ARL16: variants seen among roughly 807,000 people sequenced by gnomAD.
The protein encoded by ARL16 is ADP-ribosylation factor-like protein 16.
ARL16 carries 21 observed loss-of-function variants against 14.1 expected under a neutral mutation model. The ratio of observed to expected loss-of-function variants is 1.48; its 90% CI spans 1.05 to 2.14. The LOEUF is 2.14. Among genes scored for constraint, ARL16 ranks in the 30% most tolerant of loss-of-function variants. ARL16 has a pLI of 0.00. For missense variants in ARL16, 248 were observed against 222.0 expected, an observed-to-expected ratio of 1.12 and a Z score of -0.74; for synonymous variants, 122 against 91.8, an observed-to-expected ratio of 1.33 and a Z score of -1.88.
chr17:81,681,929 C>T (rs757824549), intron 4 of ARL16, 50 bp from the exon 5 acceptor site: 9 of 1,578,226 alleles, frequency 5.7e-6, no homozygotes, highest in Admixed American at 5.4e-5. Flanking sequence ...ACACACCTGC[C>T]CCGGACCCCC....
chr17:81,682,021 C>G lies in ARL16; in HGVS notation c.350+13G>C. ...GCCCCCGCTGTGCTCCCTCTCAGCT[C>G]AGGGACGCGTACATTTTATTGAAGA... On this transcript the variant is annotated intron_variant, in intron 4 of 4. Transcript: ENST00000622299. 1 of 1,598,850 alleles carries G rather than the reference C, an allele frequency of 6.3e-7. No homozygotes were observed. Among genetic ancestry groups the G allele is most frequent in the Non-Finnish European group, 8.5e-7 (1 of 1,171,386 alleles).
At chr17:81,683,258 G>T in intron 2 of ARL16, 132 bp from the exon 3 acceptor site, 3 of 939,352 alleles carry the variant, frequency 3.2e-6, no homozygotes, top group Non-Finnish European at 4.8e-6. Context: ...CGCAGGAACG[G>T]CGAGCAGGGA....
chr17:81,681,938 C>T (rs1457669164), intron 4 of ARL16, 59 bp from the exon 5 acceptor site: 1 of 1,568,378 alleles, frequency 6.4e-7, no homozygotes, highest in African/African-American at 1.4e-5. Context: ...CCCCGGACCC[C>T]CAGCTGCACC....
rs756422996 is a variant in ARL16, at chr17:81,683,522, G to C, written c.120+14C>G. The C allele has an allele frequency of 6.4e-7, 1 of 1,561,480 alleles. No homozygotes were observed. The highest frequency in any genetic ancestry group is 1.4e-5 in the African/African-American group (1 of 73,146). On this transcript the variant is annotated intron_variant, in intron 2 of 4. Transcript: ENST00000622299. ...TGACCCCCCGCAACTCCACCCGCGG[G>C]GGCGGACACCTACCGTGGGCCGTGT...
rs1350838534 is a variant in ARL16, at chr17:81,681,292, C to A, written c.*416G>T. 1 of 157,938 alleles carries A rather than the reference C, an allele frequency of 6.3e-6. No homozygotes were observed. The highest frequency in any genetic ancestry group is 2.4e-5 in the African/African-American group (1 of 41,498). The allele number at this position is 157,938 out of a possible 1,614,324, so 9.8% of individuals were successfully genotyped here. A position where few individuals can be genotyped will look rare whatever the true frequency, so the allele number is the denominator to read the frequency against. On this transcript the variant is annotated 3_prime_UTR_variant, in exon 5 of 5. Coordinates refer to ENST00000622299, the MANE Select transcript of ARL16 (RefSeq NM_001040025.3). Reference sequence around the variant, plus strand: ...TCTCGACTCACTGCAACCTCCACCTCCCAGGTTCAAGGGATTCTCCTGTCT... The same window carrying A: ...TCTCGACTCACTGCAACCTCCACCTACCAGGTTCAAGGGATTCTCCTGTCT...
chr17:81,683,770 C>A lies in ARL16; in HGVS notation c.-17G>T. The A allele has an allele frequency of 6.2e-7, 1 of 1,606,984 alleles. No individual in the cohort carries two copies. The highest frequency in any genetic ancestry group is 1.1e-5 in the South Asian group (1 of 90,990). On this transcript the variant is annotated 5_prime_UTR_variant, in exon 1 of 5. Transcript: ENST00000622299. ...GAGACACATTCCGTGCTTCGCTCCA[C>A]CCGGCACCCGTAGCTCGGCGCCGCG...
At chr17:81,683,403 C>T in intron 2 of ARL16, 133 bp downstream of exon 2, 1 of 1,235,356 alleles carries the variant, frequency 8.1e-7, no homozygotes, top group Non-Finnish European at 1.1e-6. Flanking sequence ...CGGGCCGTCC[C>T]CCGCTCCCGA....
At chr17:81,683,635 C>T (rs780791306) in intron 1 of ARL16, 41 bp from the exon 2 acceptor site, 1 of 1,591,642 alleles carries the variant, frequency 6.3e-7, no homozygotes, top group Non-Finnish European at 8.5e-7. Context: ...AAGGGTGAGT[C>T]CCCGCCCCAC....
intron 2 of ARL16, 40 bp from the exon 3 acceptor site, chr17:81,683,166 GCTGTCCCGTTGTGAACTC>G (rs1568208658): frequency 6.4e-7 from 1 of 1,559,174 alleles, no homozygotes; most frequent in Non-Finnish European, 8.7e-7. Context: ...CAATACAACC[GCTGTCCCGTTGTGAACTC>G]CTGAAGAGCA....
rs931104435 is a variant in ARL16, at chr17:81,681,585, G to A, written c.*123C>T. ...ACACATCATTGCATCTCAGCACAGA[G>A]CCCCATCATGTAGGGTTACTTTGGG... On this transcript the variant is annotated 3_prime_UTR_variant, in exon 5 of 5. Transcript: ENST00000622299. 3 of 1,130,276 alleles carry A rather than the reference G, an allele frequency of 2.7e-6. No individual in the cohort carries two copies. Among genetic ancestry groups the A allele is most frequent in the East Asian group, 5.2e-5 (2 of 38,446 alleles). The allele number at this position is 1,130,276 out of a possible 1,614,324, so 70.0% of individuals were successfully genotyped here. A position where few individuals can be genotyped will look rare whatever the true frequency, so the allele number is the denominator to read the frequency against.
downstream of ARL16, chr17:81,681,185 G>C (rs2036836994): frequency 6.5e-6 from 1 of 154,036 alleles, no homozygotes; most frequent in South Asian, 2.0e-4. Context: ...CCAGTCTGGG[G>C]ACAGGTTTTT....
rs746552719 is a variant in ARL16 at position 81,683,566 on chromosome 17, G to A, written c.90C>T (p.Asp30=). Residue 30 remains aspartate (D), a synonymous_variant, in exon 2 of 5, where the codon GAC becomes GAT. Transcript: ENST00000622299. ...QEVSSRDGKG[D]LGEPPPTRPT... is the part of the protein sequence containing the mutation. ...GCCGTGTCGGGGGCGGCTCCCCCAG[G>A]TCGCCTTTCCCATCCCGGGAGCTCA... is the stretch of plus-strand genomic sequence containing the variant. 8.7e-6 allele frequency: 14 copies of A among 1,602,128 alleles called. No individual in the cohort carries two copies. Among genetic ancestry groups the A allele is most frequent in the Middle Eastern group, 1.8e-4 (1 of 5,588 alleles).
chr17:81,683,643 C>T (rs762810707), intron 1 of ARL16, 49 bp from the exon 2 acceptor site: 10 of 1,587,216 alleles, frequency 6.3e-6, no homozygotes, highest in Non-Finnish European at 8.5e-6. Flanking sequence ...GTCCCCGCCC[C>T]ACTCCGGGTG....
chr17:81,683,663 C>T (rs745413123), intron 1 of ARL16, 30 bp downstream of exon 1: 6 of 1,592,140 alleles, frequency 3.8e-6, no homozygotes, highest in Non-Finnish European at 5.1e-6. Flanking sequence ...GCCCCCCGCG[C>T]CCCGGTCCCG....
chr17:81,683,370 T>A, intron 2 of ARL16, 166 bp downstream of exon 2: 1 of 1,030,910 alleles, frequency 9.7e-7, no homozygotes, highest in African/African-American at 1.6e-5. Context: ...GGCCCCCTCA[T>A]CCCGCGCCAA....
In ARL16 at chr17:81,683,063, A is replaced by AC. The variant is rs752241785; in HGVS notation, c.183dup (p.Cys62ValfsTer24). ...TAACTGGACCAGATGGGGCCCATGC[A>AC]CCCCCCAAGCTCCCGGATGGTGATC... On this transcript the variant is annotated frameshift_variant, in exon 3 of 5. Coordinates refer to ENST00000622299, the MANE Select transcript of ARL16 (RefSeq NM_001040025.3). LOFTEE classifies it high-confidence loss of function. 1.1e-5 allele frequency: 18 copies of AC among 1,613,270 alleles called. No individual in the cohort carries two copies. Among genetic ancestry groups the AC allele is most frequent in the African/African-American group, 1.1e-4 (8 of 74,818 alleles).
In ARL16 at chr17:81,681,622, C is replaced by G. The variant is rs2036845440; in HGVS notation, c.*86G>C. 7.0e-7 allele frequency: 1 copy of G among 1,430,318 alleles called. No homozygotes were observed. The highest frequency in any genetic ancestry group is 1.4e-5 in the African/African-American group (1 of 69,966). The allele number at this position is 1,430,318 out of a possible 1,614,324, so 88.6% of individuals were successfully genotyped here. On this transcript the variant is annotated 3_prime_UTR_variant, in exon 5 of 5. Transcript: ENST00000622299. ...AGGGTTACTTTGGGTTATTCTGCCC[C>G]TGTGAGAAGAAACTATTGGCAGCAA...
chr17:81,682,695 C>G (rs1346866340), intron 3 of ARL16: 1 of 356,648 alleles, frequency 2.8e-6, no homozygotes, highest in African/African-American at 2.1e-5. Context: ...ATGAGACCAA[C>G]CAGAGGTACG....
At position 81,681,438 on chromosome 17, in the gene ARL16, T is replaced by G. The variant is rs1385056245; in HGVS notation, c.*270A>C. On this transcript the variant is annotated 3_prime_UTR_variant, in exon 5 of 5. Coordinates refer to ENST00000622299, the MANE Select transcript of ARL16 (RefSeq NM_001040025.3). ...CTAGTCTCGAACTCCCGACCTCAGG[T>G]GATACACCCGCCTCGGCCTCTCAAA... The G allele has an allele frequency of 2.9e-6, 1 of 348,368 alleles. No homozygotes were observed. The highest frequency in any genetic ancestry group is 5.3e-6 in the Non-Finnish European group (1 of 189,274). The allele number at this position is 348,368 out of a possible 1,614,324, so 21.6% of individuals were successfully genotyped here.
Sources: allele counts gnomAD v4.1 joint callset, GRCh38; gene constraint gnomAD v4.1.1; transcripts MANE v1.5; gene names NCBI Gene and HGNC (gene_info 2026-07-23, HGNC 2026-07-21).